Variants in COQ8B observed in about 807,000 individuals in gnomAD.
The protein encoded by COQ8B is coenzyme Q8B.
In COQ8B, 44 loss-of-function variants were observed where a neutral mutation model predicts 62.0. The observed-to-expected ratio is 0.71, with a 90% CI of 0.56 to 0.91. The LOEUF is 0.91. COQ8B is among the 40% of genes least tolerant of loss of function. The pLI, the probability that COQ8B is intolerant of heterozygous loss-of-function variation, is 0.00. For synonymous variants in COQ8B, 252 were observed against 289.9 expected, an observed-to-expected ratio of 0.87 and a Z score of 1.33; for missense variants, 649 against 731.6, an observed-to-expected ratio of 0.89 and a Z score of 1.30.
intron 5 of COQ8B, among the ~76,000 whole-genome samples, chr19:40,708,764 C>CA (rs1173322251): frequency 6.8e-6 from 1 of 147,314 alleles, no homozygotes; most frequent in East Asian, 1.9e-4. Context: ...CTTCTCTCTA[C>CA]AAAAAATACA....
At chr19:40,694,546 T>C (rs2081998837) in intron 13 of COQ8B, among the ~76,000 whole-genome samples, 1 of 152,180 alleles carries the variant, frequency 6.6e-6, no homozygotes, top group Non-Finnish European at 1.5e-5. Context: ...ACTACCAGTG[T>C]GGTCCCCATA....
In COQ8B at chr19:40,704,906, G is replaced by A. The variant is rs2082088539; in HGVS notation, c.576+190C>T. 3 of 574,994 alleles carry A rather than the reference G, an allele frequency of 5.2e-6. No individual in the cohort carries two copies. In the East Asian group the frequency reaches 9.0e-5, roughly 17 times the overall value. The allele number at this position is 574,994 out of a possible 1,614,324, so 35.6% of individuals were successfully genotyped here. A position where few individuals can be genotyped will look rare whatever the true frequency, so the allele number is the denominator to read the frequency against. On this transcript the variant is annotated intron_variant, in intron 7 of 14. Transcript: ENST00000324464. ...GGGAAGGGAACTGAAGCACAGAGAG[G>A]TCAGGCTGCTGTTCCCTGTTTTAAT... is the stretch of plus-strand genomic sequence containing the variant.
intron 4 of COQ8B, among the ~76,000 whole-genome samples, chr19:40,712,450 T>G (rs952317965): frequency 3.1e-4 from 46 of 148,798 alleles, no homozygotes; most frequent in Non-Finnish European, 6.2e-4. Flanking sequence ...TAGTTGGACG[T>G]GGTGGCGTGC....
At chr19:40,711,980 T>C (rs2082145316) in intron 4 of COQ8B, among the ~76,000 whole-genome samples, 1 of 152,048 alleles carries the variant, frequency 6.6e-6, no homozygotes, top group African/African-American at 2.4e-5. Flanking sequence ...ACCAGTGCCT[T>C]TGACTGCCTC....
intron 4 of COQ8B, among the ~76,000 whole-genome samples, chr19:40,712,013 G>GTA (rs899503881): frequency 2.8e-4 from 43 of 151,278 alleles, no homozygotes; most frequent in Admixed American, 4.0e-4. Flanking sequence ...ATCTATCTAT[G>GTA]TATATATATA....
intron 7 of COQ8B, chr19:40,704,895 A>G: frequency 5.5e-6 from 3 of 548,208 alleles, no homozygotes; most frequent in Non-Finnish European, 9.6e-6. Context: ...AGGGAACTGA[A>G]GCACAGAGAG....
chr19:40,703,554 C>T lies in COQ8B; in HGVS notation c.786G>A (p.Ala262=), dbSNP rs201537185. ...QNLLAVLKMS[A]ALPAGLFAEQ... ...TGGGCGCCTCACCCGCGGGCAGGGCCGCGCTCATCTTGAGTACCGCCAGCA... is the reference window on the plus strand; with the variant it reads ...TGGGCGCCTCACCCGCGGGCAGGGCTGCGCTCATCTTGAGTACCGCCAGCA... Residue 262 remains alanine (A), a synonymous_variant, in exon 9 of 15, where the codon GCG becomes GCA. Transcript: ENST00000324464. 4.3e-5 allele frequency: 69 copies of T among 1,606,538 alleles called. No homozygotes were observed. In the Middle Eastern group the frequency reaches 1.0e-3, roughly 23 times the overall value.
chr19:40,709,441 C>T (rs2082124224), intron 5 of COQ8B, among the ~76,000 whole-genome samples: 1 of 152,242 alleles, frequency 6.6e-6, no homozygotes, highest in Non-Finnish European at 1.5e-5. Context: ...GCAAATGCTA[C>T]ACATCTAATT....
At chr19:40,715,011 T>C in intron 1 of COQ8B, 4 of 608,960 alleles carry the variant, frequency 6.6e-6, no homozygotes, top group Non-Finnish European at 6.2e-6. Flanking sequence ...CCCCGCCCGA[T>C]CCCCACCCCG....
intron 7 of COQ8B, 144 bp downstream of exon 7, chr19:40,704,952 G>A (rs773336989): frequency 2.6e-5 from 19 of 732,478 alleles, no homozygotes; most frequent in Non-Finnish European, 4.2e-5. Flanking sequence ...ATGCTAGGAG[G>A]TGTGTACTCT....
At chr19:40,707,014 G>A (rs1049525555) in intron 5 of COQ8B, among the ~76,000 whole-genome samples, 2 of 152,284 alleles carry the variant, frequency 1.3e-5, no homozygotes, top group African/African-American at 4.8e-5. Flanking sequence ...GCTCATGCCT[G>A]TAATCCCAGC....
rs1436050948 is a variant in COQ8B at position 40,691,690 on chromosome 19, C to T, written c.*345G>A. ...ACTGCCTCCAGGACCATCTCGCCTT[C>T]CACGGGAGGCTTGAGGCAGAGGTGA... On this transcript the variant is annotated 3_prime_UTR_variant, in exon 15 of 15. Transcript: ENST00000324464. 1 of 194,884 alleles carries T rather than the reference C, an allele frequency of 5.1e-6. No homozygotes were observed. The highest frequency in any genetic ancestry group is 1.0e-5 in the Non-Finnish European group (1 of 96,288). The allele number at this position is 194,884 out of a possible 1,614,324, so 12.1% of individuals were successfully genotyped here. A position where few individuals can be genotyped will look rare whatever the true frequency, so the allele number is the denominator to read the frequency against.
chr19:40,710,379 G>C (rs1273785451), intron 4 of COQ8B, among the ~76,000 whole-genome samples: 1 of 152,158 alleles, frequency 6.6e-6, no homozygotes, highest in Non-Finnish European at 1.5e-5. Context: ...CGAGTAGCTG[G>C]GATTACAGGC....
Position 40,693,670 on chromosome 19 carries a change from T to C in COQ8B, c.1210-633A>G, listed in dbSNP as rs546538354. Among the ~76,000 whole-genome samples the C allele has an allele frequency of 3.6e-4, 55 of 152,292 alleles. No individual in the cohort carries two copies. The South Asian group carries it at 0.011, about 31-fold the overall frequency. On this transcript the variant is annotated intron_variant, in intron 13 of 14. Coordinates refer to ENST00000324464, the MANE Select transcript of COQ8B (RefSeq NM_024876.4). ...CTGCCGGCCTGTTGGGCCTCCACTT[T>C]CTCATCTGTGAAGTGGGGATGCCAA... is the stretch of plus-strand genomic sequence containing the variant.
intron 7 of COQ8B, 41 bp from the exon 8 acceptor site, chr19:40,703,896 T>C (rs2082081078): frequency 1.3e-6 from 2 of 1,576,356 alleles, no homozygotes; most frequent in South Asian, 2.3e-5. Context: ...GTGGCAGAGT[T>C]CATTCCCCAG....
At chr19:40,695,496 G>C (rs1416558801) in intron 13 of COQ8B, among the ~76,000 whole-genome samples, 2 of 152,120 alleles carry the variant, frequency 1.3e-5, no homozygotes, top group Non-Finnish European at 2.9e-5. Context: ...AGTACGTGAG[G>C]AAACACCTCC....
chr19:40,699,663 C>A (rs1366665087), intron 12 of COQ8B, among the ~76,000 whole-genome samples: 1 of 152,240 alleles, frequency 6.6e-6, no homozygotes, highest in Non-Finnish European at 1.5e-5. Context: ...CCAGGAACCA[C>A]TGCCTAGCCA....
At chr19:40,710,898 G>A (rs1344868805) in intron 4 of COQ8B, among the ~76,000 whole-genome samples, 1 of 152,126 alleles carries the variant, frequency 6.6e-6, no homozygotes, top group Non-Finnish European at 1.5e-5. Context: ...TTGGGAGGCC[G>A]AGGTGGGCAG....
chr19:40,707,592 T>A (rs1383755441), intron 5 of COQ8B, among the ~76,000 whole-genome samples: 1 of 152,136 alleles, frequency 6.6e-6, no homozygotes, highest in Non-Finnish European at 1.5e-5. Context: ...TAGCTGGGGT[T>A]ACAGGCACCC....
Sources: gnomAD v4.1 joint callset for allele counts (sites outside exome capture counted in the v4.1 genomes callset) on GRCh38, gnomAD v4.1.1 for gene constraint, MANE v1.5 for transcripts, NCBI Gene and HGNC (gene_info 2026-07-23, HGNC 2026-07-21) for gene names.